ENPP2: variants seen among roughly 807,000 people sequenced by gnomAD.
ENPP2 encodes ectonucleotide pyrophosphatase/phosphodiesterase 2, also known as autotaxin.
Under a neutral mutation model 120.2 loss-of-function variants are expected in ENPP2, and 51 were observed. The observed-to-expected ratio is 0.42, with a 90% CI of 0.34 to 0.54. The LOEUF (loss-of-function observed/expected upper bound fraction) is 0.54. Ranked by LOEUF, ENPP2 falls within the 20% of genes least tolerant of loss-of-function variation. ENPP2 has a pLI of 0.04. For synonymous variants in ENPP2, 365 were observed against 366.4 expected, an observed-to-expected ratio of 1.00 and a Z score of 0.04; for missense variants, 920 against 1,066.5, an observed-to-expected ratio of 0.86 and a Z score of 1.91.
chr8:119,619,593 ATTTCATG>A (rs1815740305), intron 4 of ENPP2, among the ~76,000 whole-genome samples: 1 of 152,048 alleles, frequency 6.6e-6, no homozygotes. Flanking sequence ...AGTGAACAAA[ATTTCATG>A]TTTGTATCCC....
chr8:119,562,765 A>T, intron 24 of ENPP2, 92 bp downstream of exon 24: 1 of 1,229,802 alleles, frequency 8.1e-7, no homozygotes, highest in Non-Finnish European at 1.2e-6. Flanking sequence ...GCTTTATAAT[A>T]AGTATGTTCT....
chr8:119,579,174 GA>G (rs1204298583), intron 19 of ENPP2, among the ~76,000 whole-genome samples: 1 of 152,102 alleles, frequency 6.6e-6, no homozygotes, highest in African/African-American at 2.4e-5. Flanking sequence ...CCAATTTTGT[GA>G]AACTTCACAA....
chr8:119,562,333 C>T (rs1004335585), intron 24 of ENPP2, among the ~76,000 whole-genome samples: 2 of 152,054 alleles, frequency 1.3e-5, no homozygotes, highest in African/African-American at 2.4e-5. Flanking sequence ...ATCCCAGCTA[C>T]TCGGGAGGCT....
intron 13 of ENPP2, 55 bp from the exon 14 acceptor site, chr8:119,587,130 A>G (rs377041864): frequency 4.1e-5 from 59 of 1,453,308 alleles, no homozygotes; most frequent in Non-Finnish European, 5.5e-5. Flanking sequence ...TACCAAGAGA[A>G]ATCATTTTTG....
At chr8:119,669,110 C>A (rs772123757) in intron 1 of ENPP2, among the ~76,000 whole-genome samples, 2 of 152,172 alleles carry the variant, frequency 1.3e-5, no homozygotes, top group African/African-American at 2.4e-5. Flanking sequence ...TTATATTATG[C>A]CTTTATAGAT....
At chr8:119,660,755 T>C (rs1291408087) in intron 1 of ENPP2, among the ~76,000 whole-genome samples, 1 of 152,208 alleles carries the variant, frequency 6.6e-6, no homozygotes, top group Non-Finnish European at 1.5e-5. Flanking sequence ...TTTTAGGTCT[T>C]GTGTGCCATC....
intron 24 of ENPP2, among the ~76,000 whole-genome samples, chr8:119,560,476 C>A (rs961280292): frequency 7.2e-5 from 11 of 152,246 alleles, no homozygotes; most frequent in Middle Eastern, 3.4e-3. Flanking sequence ...CCCTATGGAT[C>A]CTTCAAGTAT....
Position 119,638,214 on chromosome 8 carries a change from CA to C in ENPP2, c.136+210del, listed in dbSNP as rs574960984. On this transcript the variant is annotated intron_variant, in intron 2 of 24. Transcript: ENST00000075322. ...ATTTGAGTACAAAAATGGAAATAGC[CA>C]GTTATGAAACAATCATAAATGTTCT... Among the ~76,000 whole-genome samples, 6 of 152,248 alleles carry C rather than the reference CA, an allele frequency of 3.9e-5. No homozygotes were observed. The South Asian group carries it at 1.2e-3, about 32-fold the overall frequency.
chr8:119,632,107 C>T (rs1015168302), intron 2 of ENPP2, among the ~76,000 whole-genome samples: 6 of 152,094 alleles, frequency 3.9e-5, no homozygotes, highest in Admixed American at 2.6e-4. Context: ...AAAGATTATC[C>T]GATTTGTTAG....
At chr8:119,587,158 C>A (rs1002834706) in intron 13 of ENPP2, 83 bp from the exon 14 acceptor site, 6 of 1,100,886 alleles carry the variant, frequency 5.5e-6, no homozygotes, top group African/African-American at 4.6e-5. Context: ...ATACTCAATT[C>A]TTTCTCCTTC....
At chr8:119,608,216 T>C (rs1814857030) in intron 8 of ENPP2, among the ~76,000 whole-genome samples, 2 of 152,264 alleles carry the variant, frequency 1.3e-5, no homozygotes, top group African/African-American at 4.8e-5. Flanking sequence ...TCTAGTGACA[T>C]ATTTTTTAAA....
intron 8 of ENPP2, among the ~76,000 whole-genome samples, chr8:119,611,513 C>T (rs1054979974): frequency 7.2e-5 from 11 of 152,250 alleles, no homozygotes; most frequent in South Asian, 2.1e-4. Flanking sequence ...GGCATGTGGC[C>T]GGAGCTGCCG....
At chr8:119,626,174 A>G (rs2130773849) in intron 3 of ENPP2, among the ~76,000 whole-genome samples, 1 of 152,366 alleles carries the variant, frequency 6.6e-6, no homozygotes, top group Admixed American at 6.5e-5. Flanking sequence ...CCTGACCAAC[A>G]CAGTGAGATG....
rs770738290 is a variant in ENPP2 at position 119,564,933 on chromosome 8, C to A, written c.2154G>T (p.Arg718Ser). 7 of 1,613,048 alleles carry A rather than the reference C, an allele frequency of 4.3e-6. No homozygotes were observed. The highest frequency in any genetic ancestry group is 1.7e-4 in the Middle Eastern group (1 of 6,056). The change falls in exon 23 of 25, where the codon AGG becomes AGT. Residue 718 changes from arginine (R) to serine (S), a missense_variant. Transcript: ENST00000075322. The part of the protein sequence containing the change: ...AFKRVWNYFQ[R>S]VLVKKYASER... The stretch of plus-strand genomic sequence containing the variant: ...CCGAAGCATATTTCTTCACCAATAC[C>A]CTTTGGAAATAATTCCAGACCCCTG...
intron 1 of ENPP2, among the ~76,000 whole-genome samples, chr8:119,668,737 T>C (rs1305892078): frequency 1.3e-5 from 2 of 152,200 alleles, no homozygotes; most frequent in Non-Finnish European, 2.9e-5. Context: ...TCTAGACTTC[T>C]TTTACTACAA....
In ENPP2 at chr8:119,563,034, G is replaced by T. The variant is rs533477010; in HGVS notation, c.2265-21C>A. 3.1e-6 allele frequency: 5 copies of T among 1,609,132 alleles called. No homozygotes were observed. In the African/African-American group the frequency reaches 5.3e-5, roughly 17 times the overall value. ...CGTACCTGAAACAGGAAGGTAAAACGAAGTCACAGTTGATGAGTTGATGTT... is the reference window on the plus strand; with the variant it reads ...CGTACCTGAAACAGGAAGGTAAAACTAAGTCACAGTTGATGAGTTGATGTT... On this transcript the variant is annotated intron_variant, in intron 23 of 24. Transcript: ENST00000075322.
At chr8:119,662,382 T>A (rs1402517059) in intron 1 of ENPP2, among the ~76,000 whole-genome samples, 1 of 152,158 alleles carries the variant, frequency 6.6e-6, no homozygotes. Context: ...TTATTTAGAA[T>A]CTAGACCAAT....
At chr8:119,633,616 C>T (rs561378674) in intron 2 of ENPP2, among the ~76,000 whole-genome samples, 4 of 151,964 alleles carry the variant, frequency 2.6e-5, no homozygotes, top group South Asian at 2.1e-4. Flanking sequence ...GTATATGGTT[C>T]GTTCTTTCTG....
intron 11 of ENPP2, chr8:119,595,870 CA>C: frequency 6.2e-7 from 1 of 1,614,046 alleles, no homozygotes; most frequent in Non-Finnish European, 8.5e-7. Flanking sequence ...GTTTCCGCAG[CA>C]TAATGATCCA....
Sources: allele counts gnomAD v4.1 joint callset (sites outside exome capture counted in the v4.1 genomes callset), GRCh38; gene constraint gnomAD v4.1.1; transcripts MANE v1.5; gene names NCBI Gene and HGNC (gene_info 2026-07-23, HGNC 2026-07-21).